The following MBD5 variants were observed in gnomAD, a reference collection of about 807,000 sequenced individuals.
The protein encoded by MBD5 is methyl-CpG-binding domain protein 5.
Under a neutral mutation model 117.3 loss-of-function variants are expected in MBD5, and 13 were observed. The ratio of observed to expected loss-of-function variants is 0.11; its 90% CI spans 0.07 to 0.18. MBD5 has a LOEUF of 0.18. MBD5 is among the 10% of genes least tolerant of loss of function. MBD5 has a pLI of 1.00. For missense variants in MBD5, 1,879 were observed against 2,093.8 expected (o/e 0.90, Z 2.00); for synonymous variants, 727 against 766.4 (o/e 0.95, Z 0.85).
intron 1 of MBD5, among the ~76,000 whole-genome samples, chr2:148,144,274 G>C (rs916447289): frequency 1.4e-4 from 21 of 151,690 alleles, no homozygotes; most frequent in African/African-American, 4.6e-4. Context: ...CATATCCTTT[G>C]CCCACTTGTT....
At chr2:148,174,992 C>T (rs981806164) in intron 1 of MBD5, among the ~76,000 whole-genome samples, 51 of 152,156 alleles carry the variant, frequency 3.4e-4, no homozygotes, top group Non-Finnish European at 1.2e-4. Flanking sequence ...GAGATGTCTG[C>T]ACTTCCATGT....
chr2:148,429,758 A>G (rs1435344666), intron 4 of MBD5, among the ~76,000 whole-genome samples: 4 of 152,136 alleles, frequency 2.6e-5, no homozygotes, highest in African/African-American at 9.7e-5. Flanking sequence ...AGAAAACCAA[A>G]CACCATATGT....
chr2:148,467,019 A>T (rs1170434653), intron 7 of MBD5, among the ~76,000 whole-genome samples: 1 of 152,202 alleles, frequency 6.6e-6, no homozygotes, highest in South Asian at 2.1e-4. Flanking sequence ...ATGTAACTCT[A>T]CTTGCTAATG....
intron 1 of MBD5, among the ~76,000 whole-genome samples, chr2:148,089,372 A>G (rs1184418639): frequency 1.3e-5 from 2 of 152,132 alleles, no homozygotes; most frequent in Non-Finnish European, 2.9e-5. Flanking sequence ...AGAACATTAT[A>G]CCTAACAACT....
intron 2 of MBD5, among the ~76,000 whole-genome samples, chr2:148,215,610 C>G (rs1699532627): frequency 6.6e-6 from 1 of 151,774 alleles, no homozygotes. Context: ...CAGCCTGGAA[C>G]TCCAGGCCTC....
rs571025996 is a variant in MBD5, at chr2:148,481,252, C to CACT, written c.2519-1855_2519-1853dup. On this transcript the variant is annotated intron_variant, in intron 8 of 13. Coordinates refer to ENST00000642680, the MANE Select transcript of MBD5 (RefSeq NM_001378120.1). ...GTTCAATAAATATAGTAAATACATA[C>CACT]ACTACACAGTTAAAATATAAATACG... Among the ~76,000 whole-genome samples the CACT allele has an allele frequency of 1.8e-4, 28 of 152,172 alleles. 1 individual carries two copies. The highest frequency in any genetic ancestry group is 6.8e-3 in the Middle Eastern group (2 of 294).
intron 4 of MBD5, among the ~76,000 whole-genome samples, chr2:148,376,469 G>T (rs1703991399): frequency 6.7e-6 from 1 of 149,996 alleles, no homozygotes; most frequent in African/African-American, 2.4e-5. Context: ...GGGTTTCACT[G>T]TGTCAGCCAG....
intron 3 of MBD5, among the ~76,000 whole-genome samples, chr2:148,323,113 G>C (rs1384667541): frequency 6.6e-6 from 1 of 151,344 alleles, no homozygotes; most frequent in Non-Finnish European, 1.5e-5. Context: ...TTTTGTTCTT[G>C]CGATAGTTTA....
At chr2:148,071,571 C>G (rs931629783) in intron 1 of MBD5, 2 of 152,100 alleles carry the variant, frequency 1.3e-5, no homozygotes, top group African/African-American at 4.8e-5. Context: ...TAAGATCTCT[C>G]AGTGCTTTAT....
At chr2:148,366,301 A>AAACTATTGATAGTTTATTGATGG (rs142509539) in intron 4 of MBD5, among the ~76,000 whole-genome samples, 75,458 of 151,202 alleles carry the variant, frequency 0.5, 19,044 homozygotes, top group East Asian at 0.75. Context: ...AACTATCAAT[A>AAACTATTGATAGTTTATTGATGG]AACTAGGTAT....
intron 3 of MBD5, among the ~76,000 whole-genome samples, chr2:148,249,132 T>C (rs1434204923): frequency 6.6e-6 from 1 of 152,192 alleles, no homozygotes; most frequent in Non-Finnish European, 1.5e-5. Context: ...TGAATTACAA[T>C]TGTGATATTC....
At chr2:148,364,465 T>A (rs1240089342) in intron 4 of MBD5, among the ~76,000 whole-genome samples, 5 of 152,168 alleles carry the variant, frequency 3.3e-5, no homozygotes, top group African/African-American at 1.2e-4. Context: ...ACTAGCATCA[T>A]AATGACAGGA....
At chr2:148,134,887 A>G (rs532107477) in intron 1 of MBD5, among the ~76,000 whole-genome samples, 3 of 152,256 alleles carry the variant, frequency 2.0e-5, no homozygotes, top group South Asian at 4.2e-4. Context: ...TCTGATTCAT[A>G]TGTTGTTTGG....
At chr2:148,360,541 C>T (rs962115002) in intron 4 of MBD5, among the ~76,000 whole-genome samples, 3 of 152,012 alleles carry the variant, frequency 2.0e-5, no homozygotes, top group Non-Finnish European at 4.4e-5. Flanking sequence ...CCATGATATC[C>T]TAGGATTTTT....
intron 8 of MBD5, among the ~76,000 whole-genome samples, chr2:148,472,919 C>T (rs1470416000): frequency 6.6e-6 from 1 of 152,036 alleles, no homozygotes; most frequent in African/African-American, 2.4e-5. Flanking sequence ...GAGCCTGAGG[C>T]TAAAAAAACT....
chr2:148,217,981 C>T (rs1405296025), intron 2 of MBD5, among the ~76,000 whole-genome samples: 2 of 152,146 alleles, frequency 1.3e-5, no homozygotes, highest in Non-Finnish European at 1.5e-5. Flanking sequence ...CTCCAAATTG[C>T]AAGACAGCTT....
intron 1 of MBD5, among the ~76,000 whole-genome samples, chr2:148,168,222 G>C (rs1367441730): frequency 1.3e-5 from 2 of 152,010 alleles, no homozygotes. Context: ...ATAACCTCTG[G>C]TTAAATTCCT....
chr2:148,232,365 T>C (rs1700008474), intron 2 of MBD5, among the ~76,000 whole-genome samples: 1 of 152,218 alleles, frequency 6.6e-6, no homozygotes, highest in Non-Finnish European at 1.5e-5. Context: ...ATCATTCTTT[T>C]GTTACGTGGA....
Position 148,191,004 on chromosome 2 carries a change from CAAAG to C in MBD5, c.-831+12214_-831+12217del, listed in dbSNP as rs1165022351. Among the ~76,000 whole-genome samples, 14 of 150,204 alleles carry C rather than the reference CAAAG, an allele frequency of 9.3e-5. No homozygotes were observed. The East Asian group carries it at 2.6e-3, about 28-fold the overall frequency. Reference sequence around the variant, plus strand: ...TTAAACCAACACAGATCAAAAAAGACAAAGAAGGCCATTACATAATGGTAAAGGG... The same window carrying C: ...TTAAACCAACACAGATCAAAAAAGACAAGGCCATTACATAATGGTAAAGGG... On this transcript the variant is annotated intron_variant, in intron 2 of 13. Transcript: ENST00000642680.
Sources: gnomAD v4.1 joint callset for allele counts (sites outside exome capture counted in the v4.1 genomes callset) on GRCh38, gnomAD v4.1.1 for gene constraint, MANE v1.5 for transcripts, NCBI Gene and HGNC (gene_info 2026-07-23, HGNC 2026-07-21) for gene names.